TG: variants seen among roughly 807,000 people sequenced by gnomAD.
The protein encoded by TG is thyroglobulin, also known as thyroid hormones.
In TG, 270 loss-of-function variants were observed where a neutral mutation model predicts 324.7. The ratio of observed to expected loss-of-function variants is 0.83; its 90% confidence interval spans 0.75 to 0.92. The LOEUF is 0.92. TG is among the 40% of genes least tolerant of loss of function. The probability of loss-of-function intolerance (pLI) is 0.00; values close to 1 mark genes in which losing one functional copy is unlikely to be tolerated. For synonymous variants in TG, 1,401 were observed against 1,327.0 expected (o/e 1.06, Z -1.21); for missense variants, 3,591 against 3,456.4 (o/e 1.04, Z -0.98).
intron 5 of TG, 136 bp downstream of exon 5, chr8:132,873,357 C>T (rs1839676267): frequency 2.4e-6 from 3 of 1,229,460 alleles, no homozygotes; most frequent in Middle Eastern, 2.7e-4. Context: ...CATGAGCTGT[C>T]CTGGGCATCT....
At chr8:133,106,733 A>T (rs919103643) in intron 43 of TG, among the ~76,000 whole-genome samples, 1 of 152,094 alleles carries the variant, frequency 6.6e-6, no homozygotes, top group Admixed American at 6.5e-5. Context: ...CTATGCACGA[A>T]TCTTGTTCCT....
intron 27 of TG, among the ~76,000 whole-genome samples, chr8:132,955,195 C>T (rs1396359024): frequency 2.6e-5 from 4 of 152,158 alleles, no homozygotes; most frequent in African/African-American, 9.7e-5. Context: ...GGTCTTTCCC[C>T]CCACAAGTCA....
At chr8:133,020,365 C>T (rs1418527311) in intron 39 of TG, among the ~76,000 whole-genome samples, 1 of 152,226 alleles carries the variant, frequency 6.6e-6, no homozygotes, top group Non-Finnish European at 1.5e-5. Context: ...GGCCAGCCTC[C>T]TGGACACTTC....
Position 132,887,453 on chromosome 8 carries a change from T to C in TG, c.2081T>C (p.Leu694Pro). The change falls in exon 9 of 48, where the codon CTG (leucine) becomes CCG (proline). Residue 694 changes from leucine to proline, a missense_variant. By Grantham distance (98) the Leu-to-Pro change is moderately conservative (BLOSUM62 -3). Coordinates refer to ENST00000220616, the MANE Select transcript of TG (RefSeq NM_003235.5). ...GCTTGTACTAGTGAGGGACATTTCC[T>C]GCCTGTCCAGTGCTTCAACTCAGAG... is the stretch of plus-strand genomic sequence containing the variant. Reference protein sequence around the residue: ...VPACTSEGHFLPVQCFNSECY... With the variant: ...VPACTSEGHFPPVQCFNSECY... The C allele has an allele frequency of 6.2e-7, 1 of 1,614,214 alleles. No homozygotes were observed. Among genetic ancestry groups the C allele is most frequent in the Non-Finnish European group, 8.5e-7 (1 of 1,180,046 alleles).
At chr8:133,033,878 C>A (rs1423219235) in intron 41 of TG, among the ~76,000 whole-genome samples, 1 of 152,214 alleles carries the variant, frequency 6.6e-6, no homozygotes, top group Non-Finnish European at 1.5e-5. Flanking sequence ...ATCTCTCATT[C>A]CAATTCTACT....
intron 28 of TG, 35 bp downstream of exon 28, chr8:132,961,108 C>G (rs372066067): frequency 6.2e-7 from 1 of 1,603,086 alleles, no homozygotes; most frequent in Non-Finnish European, 8.5e-7. Flanking sequence ...GTTAGCAGGA[C>G]GCTGATTACA....
At chr8:132,997,656 C>T (rs372554303) in intron 35 of TG, among the ~76,000 whole-genome samples, 25 of 151,992 alleles carry the variant, frequency 1.6e-4, no homozygotes, top group African/African-American at 6.0e-4. Flanking sequence ...CATGAAGAGC[C>T]CTTTGAAAAT....
chr8:132,987,243 C>A (rs920224512), intron 35 of TG, among the ~76,000 whole-genome samples: 4 of 152,098 alleles, frequency 2.6e-5, no homozygotes, highest in Admixed American at 2.6e-4. Context: ...TTAAAATTCC[C>A]AAATTAGAAC....
At chr8:132,896,652 T>C (rs1817145552) in intron 11 of TG, among the ~76,000 whole-genome samples, 1 of 152,166 alleles carries the variant, frequency 6.6e-6, no homozygotes, top group Admixed American at 6.5e-5. Context: ...ACCAAACTGA[T>C]GTGTGTCCCA....
chr8:133,126,606 CA>C lies in TG; in HGVS notation c.7863-5205del, dbSNP rs1475243164. ...TGGGACTGCACTATTTAGCGTACATCAGGGAGCTTATTTTTAAAGGATTGCA... is the reference window on the plus strand; with the variant it reads ...TGGGACTGCACTATTTAGCGTACATCGGGAGCTTATTTTTAAAGGATTGCA... On this transcript the variant is annotated intron_variant, in intron 45 of 47. Coordinates refer to ENST00000220616, the MANE Select transcript of TG (RefSeq NM_003235.5). Among the ~76,000 whole-genome samples the C allele has an allele frequency of 6.6e-5, 10 of 152,058 alleles. No individual in the cohort carries two copies. The South Asian group carries it at 1.0e-3, about 16-fold the overall frequency.
intron 13 of TG, 120 bp downstream of exon 13, chr8:132,898,366 GTGCAGCCAGACGCA>G: frequency 4.0e-6 from 4 of 1,000,584 alleles, no homozygotes; most frequent in Non-Finnish European, 6.1e-6. Context: ...CAGGTCCCGG[GTGCAGCCAGACGCA>G]TTTCCCAAGT....
At chr8:132,935,107 C>T (rs1368866296) in intron 24 of TG, among the ~76,000 whole-genome samples, 1 of 151,532 alleles carries the variant, frequency 6.6e-6, no homozygotes, top group Non-Finnish European at 1.5e-5. Flanking sequence ...TGCTTAAAAT[C>T]AGCCCTCTCT....
At position 132,901,299 on chromosome 8, in the gene TG, T is replaced by A. The variant is rs1349465725; in HGVS notation, c.3434-54T>A. 1.9e-6 allele frequency: 3 copies of A among 1,605,932 alleles called. No individual in the cohort carries two copies. In the African/African-American group the frequency reaches 4.0e-5, roughly 21 times the overall value. Reference sequence around the variant, plus strand: ...GTGGTGAGGAGGGTGATTGGGCATCTGAGCAGGGAGTGGGCACTGATTCCC... The same window carrying A: ...GTGGTGAGGAGGGTGATTGGGCATCAGAGCAGGGAGTGGGCACTGATTCCC... On this transcript the variant is annotated intron_variant, in intron 15 of 47. Transcript: ENST00000220616.
chr8:132,976,256 G>A (rs920597214), intron 34 of TG, among the ~76,000 whole-genome samples: 1 of 152,174 alleles, frequency 6.6e-6, no homozygotes, highest in African/African-American at 2.4e-5. Flanking sequence ...AGACTGGAGA[G>A]TCAAATATCA....
At chr8:132,930,310 C>T (rs915987202) in intron 23 of TG, among the ~76,000 whole-genome samples, 6 of 152,186 alleles carry the variant, frequency 3.9e-5, no homozygotes, top group Admixed American at 6.6e-5. Flanking sequence ...ACTTGAGGGA[C>T]AGCTTTGGCA....
chr8:133,123,616 A>ACTGGC (rs1424708443), intron 45 of TG, among the ~76,000 whole-genome samples: 1 of 152,026 alleles, frequency 6.6e-6, no homozygotes, highest in Non-Finnish European at 1.5e-5. Context: ...CAAAGGACAC[A>ACTGGC]CTGGCCTTTA....
intron 27 of TG, among the ~76,000 whole-genome samples, chr8:132,951,459 CAT>C (rs1381994179): frequency 6.6e-6 from 1 of 152,192 alleles, no homozygotes; most frequent in Non-Finnish European, 1.5e-5. Flanking sequence ...TCAAGAAAGA[CAT>C]ATGATATATT....
In TG at chr8:133,128,701, A is replaced by T. The variant is rs533783618; in HGVS notation, c.7863-3111A>T. ...TTTCCATGTGACAAGGAGAAGATTC[A>T]GATCTGGCCCTGGGCGTAGGATGAG... On this transcript the variant is annotated intron_variant, in intron 45 of 47. Coordinates refer to ENST00000220616, the MANE Select transcript of TG (RefSeq NM_003235.5). Among the ~76,000 whole-genome samples the T allele has an allele frequency of 2.0e-5, 3 of 152,304 alleles. No homozygotes were observed. The East Asian group carries it at 5.8e-4, about 29-fold the overall frequency.
rs530264222 is a variant in TG, at chr8:132,912,246, A to G, written c.4159+713A>G. ...TAAATAATAATTCAGAAGAATTGTG[A>G]ATTCTCCAGGAGCCCCAGCATTGTG... is the stretch of plus-strand genomic sequence containing the variant. On this transcript the variant is annotated intron_variant, in intron 19 of 47. Transcript: ENST00000220616. Among the ~76,000 whole-genome samples, 5 of 152,324 alleles carry G rather than the reference A, an allele frequency of 3.3e-5. No homozygotes were observed. In the East Asian group the frequency reaches 7.7e-4, roughly 23 times the overall value.
Sources: allele counts gnomAD v4.1 joint callset (sites outside exome capture counted in the v4.1 genomes callset), GRCh38; gene constraint gnomAD v4.1.1; transcripts MANE v1.5; gene names NCBI Gene and HGNC (gene_info 2026-07-23, HGNC 2026-07-21).